IL1RAP: variants seen among roughly 807,000 people sequenced by gnomAD.
IL1RAP encodes interleukin 1 receptor accessory protein, also known as interleukin-1 receptor accessory protein.
IL1RAP carries 35 observed loss-of-function variants against 60.7 expected under a neutral mutation model. That is an observed-to-expected ratio of 0.58 (90% CI 0.44 to 0.76). IL1RAP has a LOEUF of 0.76. Ranked by LOEUF, IL1RAP falls within the 30% of genes least tolerant of loss-of-function variation. IL1RAP has a pLI of 0.00. For missense variants in IL1RAP, 572 were observed against 693.9 expected (o/e 0.82, Z 1.97); for synonymous variants, 268 against 250.9 (o/e 1.07, Z -0.64).
intron 3 of IL1RAP, among the ~76,000 whole-genome samples, chr3:190,579,480 A>G (rs1727797621): frequency 1.3e-5 from 2 of 152,176 alleles, no homozygotes; most frequent in African/African-American, 2.4e-5. Context: ...GTAGTTTTGC[A>G]TATAGGAAGT....
chr3:190,621,885 A>G (rs1231460716), intron 6 of IL1RAP, among the ~76,000 whole-genome samples: 1 of 152,224 alleles, frequency 6.6e-6, no homozygotes, highest in East Asian at 1.9e-4. Context: ...TTTGGAGCTC[A>G]TACTTTTGAA....
intron 3 of IL1RAP, among the ~76,000 whole-genome samples, chr3:190,598,836 T>G (rs1729606858): frequency 6.6e-6 from 1 of 152,168 alleles, no homozygotes; most frequent in Non-Finnish European, 1.5e-5. Flanking sequence ...TACCCATTCT[T>G]CTCTATATTT....
intron 1 of IL1RAP, among the ~76,000 whole-genome samples, chr3:190,555,318 C>G (rs1237668070): frequency 3.9e-5 from 6 of 152,156 alleles, no homozygotes; most frequent in Non-Finnish European, 8.8e-5. Context: ...ACTCCGCTTC[C>G]TTCTCTACTC....
rs147438466 is a variant in IL1RAP, at chr3:190,634,686, A to G, written c.1051+5188A>G. ...TTTCTTGCTCAAAAGAATTACTCAT[A>G]TAACTATCTGGGCCTGTTGTGTTTT... On this transcript the variant is annotated intron_variant, in intron 9 of 11. Coordinates refer to ENST00000447382, the MANE Select transcript of IL1RAP (RefSeq NM_002182.4). 4.0e-5 allele frequency among the ~76,000 whole-genome samples: 6 copies of G among 149,910 alleles called. No homozygotes were observed. The East Asian group carries it at 1.2e-3, about 30-fold the overall frequency.
chr3:190,591,513 G>A (rs959790082), intron 3 of IL1RAP, among the ~76,000 whole-genome samples: 3 of 152,026 alleles, frequency 2.0e-5, no homozygotes, highest in African/African-American at 7.3e-5. Context: ...GGTATTTTCA[G>A]CTATCTTACT....
chr3:190,647,273 T>C (rs567421929), intron 11 of IL1RAP, among the ~76,000 whole-genome samples: 5 of 152,192 alleles, frequency 3.3e-5, no homozygotes, highest in Non-Finnish European at 7.3e-5. Flanking sequence ...CACAAGGCTT[T>C]CCCTACTGTT....
chr3:190,517,344 T>C (rs1721615453), intron 1 of IL1RAP, among the ~76,000 whole-genome samples: 1 of 152,242 alleles, frequency 6.6e-6, no homozygotes, highest in African/African-American at 2.4e-5. Flanking sequence ...GGGAAGAAGA[T>C]TGAACAACAA....
rs1207431970 is a variant in IL1RAP, at chr3:190,619,118, T to C, written c.538-1157T>C. Among the ~76,000 whole-genome samples, 4 of 152,242 alleles carry C rather than the reference T, an allele frequency of 2.6e-5. No homozygotes were observed. The East Asian group carries it at 5.8e-4, about 22-fold the overall frequency. ...TAATCTTTTTGTCATAGGTGACTTA[T>C]TGATATTTAAAAGAAAAACAAAAGC... is the stretch of plus-strand genomic sequence containing the variant. On this transcript the variant is annotated intron_variant, in intron 5 of 11. Transcript: ENST00000447382.
At chr3:190,638,083 T>C (rs1262271541) in intron 9 of IL1RAP, among the ~76,000 whole-genome samples, 1 of 152,160 alleles carries the variant, frequency 6.6e-6, no homozygotes, top group Non-Finnish European at 1.5e-5. Flanking sequence ...TTGGGGTCTT[T>C]TGAATAAAGC....
intron 8 of IL1RAP, 22 bp downstream of exon 8, chr3:190,627,471 G>A (rs1301347076): frequency 6.2e-7 from 1 of 1,604,076 alleles, no homozygotes; most frequent in Non-Finnish European, 8.5e-7. Context: ...GCCAGCAAGG[G>A]AGTGATTAAC....
intron 9 of IL1RAP, 22 bp from the exon 10 acceptor site, chr3:190,644,226 G>T (rs1733851309): frequency 1.2e-6 from 2 of 1,605,752 alleles, no homozygotes; most frequent in East Asian, 2.2e-5. Flanking sequence ...AATCAATTCT[G>T]TTTCTTTGTT....
intron 3 of IL1RAP, among the ~76,000 whole-genome samples, chr3:190,587,551 C>CG (rs1273526568): frequency 5.9e-5 from 9 of 152,290 alleles, no homozygotes; most frequent in Non-Finnish European, 1.0e-4. Flanking sequence ...GGGTATACTA[C>CG]AAGATGTATC....
intron 1 of IL1RAP, among the ~76,000 whole-genome samples, chr3:190,552,001 C>A (rs550840849): frequency 6.6e-6 from 1 of 152,258 alleles, no homozygotes; most frequent in East Asian, 1.9e-4. Context: ...TTTTGGCAAT[C>A]CAACGTACCT....
intron 10 of IL1RAP, 121 bp from the exon 11 acceptor site, chr3:190,645,578 A>T: frequency 1.3e-6 from 1 of 757,646 alleles, no homozygotes; most frequent in Non-Finnish European, 2.1e-6. Flanking sequence ...GCAAGTAGAA[A>T]ATCGCACTGG....
At chr3:190,525,670 A>T (rs1303943772) in intron 1 of IL1RAP, among the ~76,000 whole-genome samples, 1 of 152,236 alleles carries the variant, frequency 6.6e-6, no homozygotes, top group Non-Finnish European at 1.5e-5. Flanking sequence ...TTGATGTTTC[A>T]TTCATAGGCT....
rs1560246735 is a variant in IL1RAP at position 190,649,742 on chromosome 3, G to A, written c.*1037G>A. The A allele has an allele frequency of 1.0e-6, 1 of 985,570 alleles. No individual in the cohort carries two copies. The highest frequency in any genetic ancestry group is 1.2e-6 in the Non-Finnish European group (1 of 829,934). 61.1% of individuals were successfully genotyped at this position (985,570 alleles called of 1,614,324 possible). A position where few individuals can be genotyped will look rare whatever the true frequency, so the allele number is the denominator to read the frequency against. On this transcript the variant is annotated 3_prime_UTR_variant, in exon 12 of 12. Coordinates refer to ENST00000447382, the MANE Select transcript of IL1RAP (RefSeq NM_002182.4). Reference sequence around the variant, plus strand: ...GTTGCTTTTGGCATTAATATTCTAAGAGAATTAACTGTATTTCCTGTCACC... The same window carrying A: ...GTTGCTTTTGGCATTAATATTCTAAAAGAATTAACTGTATTTCCTGTCACC...
intron 9 of IL1RAP, among the ~76,000 whole-genome samples, chr3:190,643,555 C>A (rs1265534194): frequency 6.6e-6 from 1 of 152,060 alleles, no homozygotes; most frequent in Non-Finnish European, 1.5e-5. Context: ...GTAGATAATG[C>A]AGAAATCTGT....
chr3:190,577,761 G>A (rs552828037), intron 3 of IL1RAP, among the ~76,000 whole-genome samples: 3 of 151,942 alleles, frequency 2.0e-5, no homozygotes, highest in Non-Finnish European at 4.4e-5. Context: ...TGAATTCCTG[G>A]CCTCAGGAGA....
chr3:190,616,296 T>C (rs917392234), intron 5 of IL1RAP, among the ~76,000 whole-genome samples: 1 of 152,218 alleles, frequency 6.6e-6, no homozygotes, highest in Non-Finnish European at 1.5e-5. Context: ...TGTCTCTTTC[T>C]CTTTCCCTTC....
Sources: gnomAD v4.1 joint callset for allele counts (sites outside exome capture counted in the v4.1 genomes callset) on GRCh38, gnomAD v4.1.1 for gene constraint, MANE v1.5 for transcripts, NCBI Gene and HGNC (gene_info 2026-07-23, HGNC 2026-07-21) for gene names.